TSPAN5: variants seen among roughly 807,000 people sequenced by gnomAD.
TSPAN5 encodes tetraspanin 5.
TSPAN5 carries 10 observed loss-of-function variants against 37.1 expected under a neutral mutation model. The ratio of observed to expected loss-of-function variants is 0.27; its 90% CI spans 0.17 to 0.46. The LOEUF (loss-of-function observed/expected upper bound fraction) is 0.46, where lower values mean the gene tolerates loss of function less well. Ranked by LOEUF, TSPAN5 falls within the 20% of genes least tolerant of loss-of-function variation. The pLI, the probability that TSPAN5 is intolerant of heterozygous loss-of-function variation, is 1.00. For synonymous variants in TSPAN5, 110 were observed against 118.9 expected, an observed-to-expected ratio of 0.93 and a Z score of 0.48; for missense variants, 195 against 326.6, an observed-to-expected ratio of 0.60 and a Z score of 3.11.
rs532643615 is a variant in TSPAN5, at chr4:98,539,407, G to A, written c.82-31679C>T. Among the ~76,000 whole-genome samples, 63 of 152,136 alleles carry A rather than the reference G, an allele frequency of 4.1e-4. No homozygotes were observed. The East Asian group carries it at 9.9e-3, about 24-fold the overall frequency. ...AAAACACAAATGTCAGGACCAAGGCGCATCCACATGCTTCTATCCACTCTA... is the reference window on the plus strand; with the variant it reads ...AAAACACAAATGTCAGGACCAAGGCACATCCACATGCTTCTATCCACTCTA... On this transcript the variant is annotated intron_variant, in intron 1 of 7. Transcript: ENST00000305798.
chr4:98,557,270 A>G lies in TSPAN5; in HGVS notation c.82-49542T>C, dbSNP rs773598234. 4.1e-4 allele frequency among the ~76,000 whole-genome samples: 63 copies of G among 152,364 alleles called. 1 individual carries two copies. Among genetic ancestry groups the G allele is most frequent in the Non-Finnish European group, 5.6e-4 (38 of 68,032 alleles). The stretch of plus-strand genomic sequence containing the variant: ...GTCTGTGGTCTCCAAAAATGACACT[A>G]AATCAACTGAAGCAGAAGAAAATGC... On this transcript the variant is annotated intron_variant, in intron 1 of 7. Transcript: ENST00000305798.
At chr4:98,532,934 C>T (rs1754130888) in intron 1 of TSPAN5, among the ~76,000 whole-genome samples, 1 of 152,148 alleles carries the variant, frequency 6.6e-6, no homozygotes, top group Admixed American at 6.5e-5. Context: ...TTTTCTGCAT[C>T]TATTGAGATA....
At chr4:98,553,792 C>G (rs2110158469) in intron 1 of TSPAN5, among the ~76,000 whole-genome samples, 1 of 152,294 alleles carries the variant, frequency 6.6e-6, no homozygotes, top group Non-Finnish European at 1.5e-5. Context: ...AGCAGCTGGG[C>G]ACGGTGGCTC....
intron 1 of TSPAN5, among the ~76,000 whole-genome samples, chr4:98,556,550 G>A (rs549032469): frequency 9.2e-5 from 14 of 152,254 alleles, no homozygotes; most frequent in East Asian, 3.9e-4. Context: ...CTAAACTTGC[G>A]TGTTCTCAAT....
chr4:98,503,301 A>G (rs1232983130), intron 2 of TSPAN5, among the ~76,000 whole-genome samples: 1 of 152,158 alleles, frequency 6.6e-6, no homozygotes, highest in East Asian at 1.9e-4. Context: ...CACTCTCTAC[A>G]GCCCCTAAAG....
chr4:98,493,716 T>C (rs1011509880), intron 2 of TSPAN5, among the ~76,000 whole-genome samples: 2 of 152,242 alleles, frequency 1.3e-5, no homozygotes, highest in Non-Finnish European at 2.9e-5. Context: ...GCAGACTATA[T>C]GCTATGTCAA....
chr4:98,640,976 G>C (rs1756953187), intron 1 of TSPAN5, among the ~76,000 whole-genome samples: 1 of 152,158 alleles, frequency 6.6e-6, no homozygotes, highest in South Asian at 2.1e-4. Context: ...AAAAGGAGTA[G>C]TTCAAAGTGA....
At chr4:98,522,648 T>C (rs1267926361) in intron 1 of TSPAN5, among the ~76,000 whole-genome samples, 6 of 152,214 alleles carry the variant, frequency 3.9e-5, no homozygotes, top group African/African-American at 1.4e-4. Flanking sequence ...AATCCATTGA[T>C]TATCATGTGA....
At chr4:98,629,151 A>C (rs1756685236) in intron 1 of TSPAN5, among the ~76,000 whole-genome samples, 3 of 152,238 alleles carry the variant, frequency 2.0e-5, no homozygotes, top group African/African-American at 7.2e-5. Context: ...AATAAGCATA[A>C]TTACTCTAAA....
At chr4:98,474,872 G>T (rs1236364952) in intron 7 of TSPAN5, among the ~76,000 whole-genome samples, 1 of 152,118 alleles carries the variant, frequency 6.6e-6, no homozygotes, top group Admixed American at 6.6e-5. Flanking sequence ...TAGAGACAAG[G>T]ACTTGCTATG....
chr4:98,588,764 C>T (rs754558782), intron 1 of TSPAN5, among the ~76,000 whole-genome samples: 5 of 152,218 alleles, frequency 3.3e-5, no homozygotes, highest in Admixed American at 6.5e-5. Flanking sequence ...TCTACAATAA[C>T]TTGTGTGTGG....
intron 1 of TSPAN5, among the ~76,000 whole-genome samples, chr4:98,605,377 GTTGGTGCCAGAACTGT>G (rs1756007595): frequency 6.6e-6 from 1 of 152,154 alleles, no homozygotes; most frequent in Non-Finnish European, 1.5e-5. Flanking sequence ...CCCTTCCAAA[GTTGGTGCCAGAACTGT>G]TTGGTGGACA....
chr4:98,627,016 C>G (rs1478434486), intron 1 of TSPAN5, among the ~76,000 whole-genome samples: 5 of 149,778 alleles, frequency 3.3e-5, no homozygotes, highest in Non-Finnish European at 7.4e-5. Flanking sequence ...AAAAAGGGTA[C>G]TTGATTAATG....
intron 1 of TSPAN5, among the ~76,000 whole-genome samples, chr4:98,581,823 C>A (rs1285214787): frequency 6.6e-6 from 1 of 152,140 alleles, no homozygotes; most frequent in African/African-American, 2.4e-5. Flanking sequence ...CTAAGAGACC[C>A]TCTGCATGAA....
Position 98,476,170 on chromosome 4 carries a change from T to C in TSPAN5, c.741+19A>G, listed in dbSNP as rs1272835327. On this transcript the variant is annotated intron_variant, in intron 7 of 7. Transcript: ENST00000305798. ...GGGCATTATTTCCCTGTGATATCCATAAAGGACCCTTATCTTACCTGCAGC... is the reference window on the plus strand; with the variant it reads ...GGGCATTATTTCCCTGTGATATCCACAAAGGACCCTTATCTTACCTGCAGC... 1.9e-6 allele frequency: 3 copies of C among 1,587,026 alleles called. No homozygotes were observed. The highest frequency in any genetic ancestry group is 2.7e-5 in the African/African-American group (2 of 74,322).
At chr4:98,620,298 A>C (rs1179983505) in intron 1 of TSPAN5, among the ~76,000 whole-genome samples, 6 of 152,154 alleles carry the variant, frequency 3.9e-5, no homozygotes, top group Non-Finnish European at 8.8e-5. Context: ...CACATGAAGA[A>C]ACCACAGTAG....
Position 98,471,652 on chromosome 4 carries a change from A to G in TSPAN5, c.*870T>C, listed in dbSNP as rs1212694465. On this transcript the variant is annotated 3_prime_UTR_variant, in exon 8 of 8. Transcript: ENST00000305798. ...ATAGCTTTCACCTTTGGAAGACGAA[A>G]AACAACAAACATACAAAACAAAATG... 6.6e-6 allele frequency: 1 copy of G among 152,232 alleles called. No homozygotes were observed. Among genetic ancestry groups the G allele is most frequent in the Non-Finnish European group, 1.5e-5 (1 of 68,030 alleles). 9.4% of individuals were successfully genotyped at this position (152,232 alleles called of 1,614,324 possible).
At chr4:98,525,337 T>C (rs4699343) in intron 1 of TSPAN5, among the ~76,000 whole-genome samples, 117,974 of 152,114 alleles carry the variant, frequency 0.78, 46,473 homozygotes, top group African/African-American at 0.92. Context: ...CACGTCTGCA[T>C]GGGTTTTCTT....
intron 3 of TSPAN5, 114 bp from the exon 4 acceptor site, chr4:98,482,289 C>T: frequency 1.2e-6 from 1 of 859,030 alleles, no homozygotes; most frequent in Non-Finnish European, 1.7e-6. Context: ...TTACACATCT[C>T]CAAAGCAGAT....
Sources: gnomAD v4.1 joint callset for allele counts (sites outside exome capture counted in the v4.1 genomes callset) on GRCh38, gnomAD v4.1.1 for gene constraint, MANE v1.5 for transcripts, NCBI Gene and HGNC (gene_info 2026-07-23, HGNC 2026-07-21) for gene names.